Variants in ITGA11 observed in about 807,000 individuals in gnomAD.
ITGA11 encodes the protein integrin subunit alpha 11.
ITGA11 carries 97 observed loss-of-function variants against 141.9 expected under a neutral mutation model. The ratio of observed to expected loss-of-function variants is 0.68; its 90% CI spans 0.58 to 0.81. The LOEUF is 0.81. Ranked by LOEUF, ITGA11 falls within the 30% of genes least tolerant of loss-of-function variation. ITGA11 has a pLI of 0.00. For synonymous variants in ITGA11, 658 were observed against 624.6 expected (o/e 1.05, Z -0.80); for missense variants, 1,387 against 1,559.2 (o/e 0.89, Z 1.86).
chr15:68,417,868 G>A (rs1263829940), intron 1 of ITGA11, among the ~76,000 whole-genome samples: 1 of 152,174 alleles, frequency 6.6e-6, no homozygotes, highest in Non-Finnish European at 1.5e-5. Flanking sequence ...TGGAGAATCT[G>A]TTCTTCTCCC....
At chr15:68,349,862 C>T (rs1209390358) in intron 9 of ITGA11, among the ~76,000 whole-genome samples, 5 of 152,190 alleles carry the variant, frequency 3.3e-5, no homozygotes, top group African/African-American at 4.8e-5. Flanking sequence ...TTTCAGAATA[C>T]GGAGTCAGAC....
intron 15 of ITGA11, among the ~76,000 whole-genome samples, chr15:68,329,308 A>T (rs1894080795): frequency 6.6e-6 from 1 of 152,200 alleles, no homozygotes; most frequent in Non-Finnish European, 1.5e-5. Flanking sequence ...CATTGGAATC[A>T]CTTGGGGAGT....
At chr15:68,320,095 G>C (rs1893744160) in intron 20 of ITGA11, 90 bp downstream of exon 20, 1 of 1,133,082 alleles carries the variant, frequency 8.8e-7, no homozygotes, top group Non-Finnish European at 1.3e-6. Context: ...CAGCTTTCTT[G>C]TGATTCCAAC....
At chr15:68,363,442 G>A (rs1895316134) in intron 4 of ITGA11, among the ~76,000 whole-genome samples, 1 of 152,192 alleles carries the variant, frequency 6.6e-6, no homozygotes, top group Non-Finnish European at 1.5e-5. Context: ...ATAAAGGGCT[G>A]TGGGCTGAAT....
At chr15:68,317,413 C>G (rs557368173) in intron 20 of ITGA11, 50 bp from the exon 21 acceptor site, 2 of 1,325,180 alleles carry the variant, frequency 1.5e-6, no homozygotes, top group African/African-American at 1.4e-5. Context: ...GGGCCTGGGA[C>G]CAGGTCTCGA....
chr15:68,402,936 T>C lies in ITGA11; in HGVS notation c.146A>G (p.Asp49Gly), dbSNP rs764776491. 5.0e-6 allele frequency: 8 copies of C among 1,613,178 alleles called. No homozygotes were observed. The highest frequency in any genetic ancestry group is 6.8e-6 in the Non-Finnish European group (8 of 1,179,386). Reference sequence around the variant, plus strand: ...CACTCACCACTTATTGCCACTGATGTCGTGCTGCTGCACTGTGTAGCCAAA... The same window carrying C: ...CACTCACCACTTATTGCCACTGATGCCGTGCTGCTGCACTGTGTAGCCAAA... The part of the protein sequence containing the change: ...AFFGYTVQQH[D>G]ISGNKWLVVG... The change falls in exon 2 of 30, where the codon GAC (aspartate) becomes GGC (glycine). Residue 49 changes from aspartate to glycine, a missense_variant. Physicochemically the swap from Asp to Gly is moderately conservative, Grantham distance 94. Transcript: ENST00000315757.
rs1364122451 is a variant in ITGA11, at chr15:68,338,480, G to A, written c.1276+1020C>T. 2.0e-5 allele frequency among the ~76,000 whole-genome samples: 3 copies of A among 152,230 alleles called. No homozygotes were observed. In the East Asian group the frequency reaches 5.8e-4, roughly 29 times the overall value. ...AGGTTTAACACCTTGCGAATTAAAT[G>A]GAACGCAGGCCCTAGGGCCAGGTGC... On this transcript the variant is annotated intron_variant, in intron 11 of 29. Transcript: ENST00000315757.
At chr15:68,315,795 C>CCCCACAGCCCACTA (rs1893553580) in intron 21 of ITGA11, 68 bp from the exon 22 acceptor site, 1 of 1,259,802 alleles carries the variant, frequency 7.9e-7, no homozygotes. Flanking sequence ...ACAGCCCACT[C>CCCCACAGCCCACTA]CCCACAGCCC....
intron 7 of ITGA11, among the ~76,000 whole-genome samples, chr15:68,351,853 C>T (rs779959171): frequency 2.0e-5 from 3 of 151,938 alleles, no homozygotes; most frequent in Admixed American, 6.6e-5. Context: ...GAGCCGAAGG[C>T]GGGCAGATCA....
intron 12 of ITGA11, among the ~76,000 whole-genome samples, chr15:68,334,314 G>A (rs1223279683): frequency 6.6e-6 from 1 of 152,246 alleles, no homozygotes; most frequent in Non-Finnish European, 1.5e-5. Context: ...TGAGCCCCAT[G>A]CTGCTAGGAG....
intron 13 of ITGA11, 100 bp downstream of exon 13, chr15:68,332,238 A>C: frequency 7.1e-7 from 1 of 1,406,966 alleles, no homozygotes; most frequent in African/African-American, 1.4e-5. Flanking sequence ...GCCTGGCTCC[A>C]GCACTGGCCT....
At chr15:68,398,038 G>T (rs1347140772) in intron 2 of ITGA11, among the ~76,000 whole-genome samples, 2 of 150,874 alleles carry the variant, frequency 1.3e-5, no homozygotes, top group African/African-American at 4.9e-5. Context: ...GGTACCAGCC[G>T]CTGCAAAATC....
intron 11 of ITGA11, among the ~76,000 whole-genome samples, chr15:68,338,107 C>T (rs1348322628): frequency 6.6e-6 from 1 of 152,328 alleles, no homozygotes; most frequent in Non-Finnish European, 1.5e-5. Context: ...GGCACCTGCA[C>T]CTTGCACCCC....
intron 20 of ITGA11, 103 bp downstream of exon 20, chr15:68,320,082 A>G: frequency 1.0e-6 from 1 of 983,946 alleles, no homozygotes; most frequent in Non-Finnish European, 1.6e-6. Context: ...GAGCCACTGC[A>G]TCCAGCTTTC....
At chr15:68,379,344 CT>C (rs979833135) in intron 2 of ITGA11, among the ~76,000 whole-genome samples, 2 of 152,168 alleles carry the variant, frequency 1.3e-5, no homozygotes, top group African/African-American at 4.8e-5. Flanking sequence ...TTGTTTGTGT[CT>C]TTTATCTCCT....
At position 68,417,552 on chromosome 15, in the gene ITGA11, C is replaced by T. The variant is rs565346361; in HGVS notation, c.52+14463G>A. ...TGCAGCAGCCACAGTGATCTTTCAA[C>T]GGTGTGAACTAGATCCTGGCTCTGC... On this transcript the variant is annotated intron_variant, in intron 1 of 29. Transcript: ENST00000315757. Among the ~76,000 whole-genome samples, 18 of 152,324 alleles carry T rather than the reference C, an allele frequency of 1.2e-4. 1 individual carries two copies. Among genetic ancestry groups the T allele is most frequent in the South Asian group, 4.2e-4 (2 of 4,816 alleles).
intron 25 of ITGA11, 103 bp from the exon 26 acceptor site, chr15:68,311,183 G>A: frequency 7.9e-7 from 1 of 1,271,810 alleles, no homozygotes. Context: ...TCTAGCCGTG[G>A]TCCTGGGAGA....
At chr15:68,372,858 C>T (rs1209567426) in intron 2 of ITGA11, among the ~76,000 whole-genome samples, 1 of 152,158 alleles carries the variant, frequency 6.6e-6, no homozygotes, top group Non-Finnish European at 1.5e-5. Context: ...TTCTTCCAGG[C>T]AGTTTTGGTC....
intron 2 of ITGA11, among the ~76,000 whole-genome samples, chr15:68,394,207 G>T (rs1896180578): frequency 6.6e-6 from 1 of 152,108 alleles, no homozygotes; most frequent in Non-Finnish European, 1.5e-5. Flanking sequence ...CAGTGAGATT[G>T]AATCAGTAAT....
Sources: gnomAD v4.1 joint callset for allele counts (sites outside exome capture counted in the v4.1 genomes callset) on GRCh38, gnomAD v4.1.1 for gene constraint, MANE v1.5 for transcripts, NCBI Gene and HGNC (gene_info 2026-07-23, HGNC 2026-07-21) for gene names.